FBXO40: variants seen among roughly 807,000 people sequenced by gnomAD.
The protein encoded by FBXO40 is F-box only protein 40.
In FBXO40, 50 loss-of-function variants were observed where a neutral mutation model predicts 49.9. The ratio of observed to expected loss-of-function variants is 1.00; its 90% CI spans 0.80 to 1.27. The LOEUF (loss-of-function observed/expected upper bound fraction) is 1.27. Among genes scored for constraint, FBXO40 ranks in the 50% most tolerant of loss-of-function variants. The pLI, the probability that FBXO40 is intolerant of heterozygous loss-of-function variation, is 0.00. For missense variants in FBXO40, 895 were observed against 870.1 expected (o/e 1.03, Z -0.36); for synonymous variants, 340 against 320.2 (o/e 1.06, Z -0.66).
At chr3:121,596,005 C>T (rs1188967589) in intron 1 of FBXO40, among the ~76,000 whole-genome samples, 1 of 152,142 alleles carries the variant, frequency 6.6e-6, no homozygotes, top group Admixed American at 6.6e-5. Context: ...AAAATATCTC[C>T]CTGACATCAA....
intron 1 of FBXO40, among the ~76,000 whole-genome samples, chr3:121,619,600 CAT>C (rs1252129682): frequency 1.3e-5 from 2 of 152,094 alleles, no homozygotes; most frequent in African/African-American, 4.8e-5. Context: ...TAATAGCAAA[CAT>C]GTATAGATCA....
At chr3:121,599,674 GCACACACACACACACACACA>G (rs757324448) in intron 1 of FBXO40, among the ~76,000 whole-genome samples, 1 of 99,566 alleles carries the variant, frequency 1.0e-5, no homozygotes, top group Admixed American at 1.4e-4. Flanking sequence ...ACACACACAT[GCACACACACACACACACACA>G]CACACACACA....
intron 2 of FBXO40, 82 bp from the exon 3 acceptor site, chr3:121,621,345 TATGTCA>T (rs1462482577): frequency 5.1e-6 from 6 of 1,182,100 alleles, no homozygotes; most frequent in Non-Finnish European, 6.0e-6. Context: ...AAACAGGAAA[TATGTCA>T]ATTAAAACAC....
Position 121,622,065 on chromosome 3 carries a change from G to A in FBXO40, c.636G>A (p.Leu212=). Residue 212 remains leucine, a synonymous_variant, in exon 3 of 4, where the codon CTG becomes CTA. Coordinates refer to ENST00000338040, the MANE Select transcript of FBXO40 (RefSeq NM_016298.4). ...VLAKTKEGMD[L]VKFGQWENIF... is the part of the protein sequence containing the mutation. The stretch of plus-strand genomic sequence containing the variant: ...CCAAAACCAAAGAAGGGATGGACCT[G>A]GTCAAGTTTGGCCAGTGGGAAAATA... The A allele has an allele frequency of 1.2e-6, 2 of 1,614,212 alleles. No individual in the cohort carries two copies. Among genetic ancestry groups the A allele is most frequent in the East Asian group, 2.2e-5 (1 of 44,886 alleles).
At chr3:121,613,961 T>C (rs1001680592) in intron 1 of FBXO40, among the ~76,000 whole-genome samples, 1 of 152,034 alleles carries the variant, frequency 6.6e-6, no homozygotes, top group Non-Finnish European at 1.5e-5. Flanking sequence ...GGTGAAACAC[T>C]GTCTTTACTA....
intron 1 of FBXO40, 76 bp downstream of exon 1, chr3:121,593,578 A>G (rs944565567): frequency 2.6e-5 from 4 of 152,216 alleles, no homozygotes; most frequent in Admixed American, 2.6e-4. Flanking sequence ...GCTGAGCCGC[A>G]TATCACTTTT....
intron 1 of FBXO40, among the ~76,000 whole-genome samples, chr3:121,618,553 ATT>A (rs58697675): frequency 6.2e-4 from 90 of 145,254 alleles, no homozygotes; most frequent in Non-Finnish European, 7.7e-4. Flanking sequence ...TGCCCGGTTA[ATT>A]TTTTTTTTTT....
At chr3:121,607,461 C>A (rs1189312295) in intron 1 of FBXO40, among the ~76,000 whole-genome samples, 1 of 151,520 alleles carries the variant, frequency 6.6e-6, no homozygotes, top group Admixed American at 6.6e-5. Context: ...AGGCGCCCAC[C>A]ACCACGCCCG....
At chr3:121,596,124 G>A (rs532353320) in intron 1 of FBXO40, among the ~76,000 whole-genome samples, 88 of 152,232 alleles carry the variant, frequency 5.8e-4, no homozygotes, top group Non-Finnish European at 1.1e-3. Context: ...CCTGCTATAC[G>A]TGTTAGCATG....
chr3:121,607,078 A>G (rs561433474), intron 1 of FBXO40, among the ~76,000 whole-genome samples: 2 of 152,188 alleles, frequency 1.3e-5, no homozygotes, highest in Non-Finnish European at 2.9e-5. Flanking sequence ...TAGCCTGGCC[A>G]ATATGGTGAA....
chr3:121,611,818 G>A lies in FBXO40; in HGVS notation c.-30-8728G>A, dbSNP rs564796643. On this transcript the variant is annotated intron_variant, in intron 1 of 3. Coordinates refer to ENST00000338040, the MANE Select transcript of FBXO40 (RefSeq NM_016298.4). ...CAGTGCATCGTGCCTCTGGTTTATT[G>A]AGACTAGAGAATGGCGATGACCTTT... is the stretch of plus-strand genomic sequence containing the variant. Among the ~76,000 whole-genome samples the A allele has an allele frequency of 2.0e-5, 3 of 152,350 alleles. No individual in the cohort carries two copies. The East Asian group carries it at 5.8e-4, about 29-fold the overall frequency.
At position 121,628,059 on chromosome 3, in the gene FBXO40, G is replaced by A; in HGVS notation, c.*1149G>A. On this transcript the variant is annotated 3_prime_UTR_variant, in exon 4 of 4. Coordinates refer to ENST00000338040, the MANE Select transcript of FBXO40 (RefSeq NM_016298.4). ...ACTGCTGTTTTTGGTAACAAACAGT[G>A]AATATTCATAAGAACAAAAGTAAAA... 2 of 397,324 alleles carry A rather than the reference G, an allele frequency of 5.0e-6. No homozygotes were observed. Among genetic ancestry groups the A allele is most frequent in the Non-Finnish European group, 8.9e-6 (2 of 225,708 alleles). The allele number at this position is 397,324 out of a possible 1,614,324, so 24.6% of individuals were successfully genotyped here.
intron 2 of FBXO40, 103 bp downstream of exon 2, chr3:121,620,681 A>G (rs1463287216): frequency 1.4e-6 from 2 of 1,426,022 alleles, no homozygotes; most frequent in African/African-American, 2.8e-5. Flanking sequence ...TTATGGTTTG[A>G]TGATATTTAT....
At position 121,629,191 on chromosome 3, in the gene FBXO40, C is replaced by A. The variant is rs1009440833; in HGVS notation, c.*2281C>A. On this transcript the variant is annotated 3_prime_UTR_variant, in exon 4 of 4. Coordinates refer to ENST00000338040, the MANE Select transcript of FBXO40 (RefSeq NM_016298.4). ...ACCAGAAACATGCTCATCTTTTCAT[C>A]GTAATGTGCCACTCGGTACTATTTG... is the stretch of plus-strand genomic sequence containing the variant. 3 of 152,170 alleles carry A rather than the reference C, an allele frequency of 2.0e-5. No homozygotes were observed. Among genetic ancestry groups the A allele is most frequent in the African/African-American group, 7.2e-5 (3 of 41,424 alleles). The allele number at this position is 152,170 out of a possible 1,614,324, so 9.4% of individuals were successfully genotyped here. A position where few individuals can be genotyped will look rare whatever the true frequency, so the allele number is the denominator to read the frequency against.
intron 1 of FBXO40, among the ~76,000 whole-genome samples, chr3:121,615,804 A>G (rs986167146): frequency 1.1e-4 from 17 of 152,118 alleles, no homozygotes; most frequent in Admixed American, 9.8e-4. Flanking sequence ...CTGGCCATAA[A>G]TATTCTGTAA....
intron 1 of FBXO40, among the ~76,000 whole-genome samples, chr3:121,600,492 C>T (rs923287994): frequency 5.3e-5 from 8 of 152,110 alleles, no homozygotes; most frequent in Non-Finnish European, 1.2e-4. Flanking sequence ...AAATAATCGC[C>T]ATAAGGAAGG....
chr3:121,617,604 C>G (rs1385135095), intron 1 of FBXO40, among the ~76,000 whole-genome samples: 1 of 151,832 alleles, frequency 6.6e-6, no homozygotes, highest in East Asian at 1.9e-4. Context: ...CAAAAAACAA[C>G]AACAAAATTT....
At chr3:121,620,413 A>G in intron 1 of FBXO40, 133 bp from the exon 2 acceptor site, 1 of 718,038 alleles carries the variant, frequency 1.4e-6, no homozygotes, top group South Asian at 2.0e-5. Context: ...TGACTCAAAC[A>G]TGGAGATAAA....
rs187685604 is a variant in FBXO40 at position 121,620,061 on chromosome 3, G to T, written c.-30-485G>T. Among the ~76,000 whole-genome samples, 442 of 152,316 alleles carry T rather than the reference G, an allele frequency of 2.9e-3. 2 individuals carry two copies. Among genetic ancestry groups the T allele is most frequent in the Admixed American group, 7.1e-3 (108 of 15,288 alleles). On this transcript the variant is annotated intron_variant, in intron 1 of 3. Transcript: ENST00000338040. ...ATACCAGGGGAAATGGCATGTTACA[G>T]ATATTTCACAGACACCTATACACTG... is the stretch of plus-strand genomic sequence containing the variant.
Sources: gnomAD v4.1 joint callset for allele counts (sites outside exome capture counted in the v4.1 genomes callset) on GRCh38, gnomAD v4.1.1 for gene constraint, MANE v1.5 for transcripts, NCBI Gene and HGNC (gene_info 2026-07-23, HGNC 2026-07-21) for gene names.